Variants in IL16 observed in about 807,000 individuals in gnomAD.
IL16 encodes pro-interleukin-16.
IL16 carries 67 observed loss-of-function variants against 110.1 expected under a neutral mutation model. That is an observed-to-expected ratio of 0.61 (90% confidence interval 0.50 to 0.75). The LOEUF (loss-of-function observed/expected upper bound fraction) is 0.75, where lower values mean the gene tolerates loss of function less well. Ranked by LOEUF, IL16 falls within the 30% of genes least tolerant of loss-of-function variation. The pLI, the probability that IL16 is intolerant of heterozygous loss-of-function variation, is 0.00. For synonymous variants in IL16, 689 were observed against 662.9 expected, an observed-to-expected ratio of 1.04 and a Z score of -0.61; for missense variants, 1,545 against 1,655.0, an observed-to-expected ratio of 0.93 and a Z score of 1.15.
In IL16 at chr15:81,225,345, G is replaced by A. The variant is rs1896751215; in HGVS notation, c.-55G>A. On this transcript the variant is annotated 5_prime_UTR_variant, in exon 2 of 19. Transcript: ENST00000683961. ...AGCCCTGTCCAGTGGCCACCCGTCA[G>A]CCAAGGGCCAGAGACCAGGAAAGGA... is the stretch of plus-strand genomic sequence containing the variant. The A allele has an allele frequency of 2.5e-6, 4 of 1,589,274 alleles. No homozygotes were observed. Among genetic ancestry groups the A allele is most frequent in the Non-Finnish European group, 3.4e-6 (4 of 1,170,722 alleles).
chr15:81,313,454 G>A lies in IL16; in HGVS notation c.*4656G>A, dbSNP rs149174955. 482 of 1,446,710 alleles carry A rather than the reference G, an allele frequency of 3.3e-4. 1 individual carries two copies. The African/African-American group carries it at 6.6e-3, about 20-fold the overall frequency. 89.6% of individuals were successfully genotyped at this position (1,446,710 alleles called of 1,614,324 possible). A position where few individuals can be genotyped will look rare whatever the true frequency, so the allele number is the denominator to read the frequency against. On this transcript the variant is annotated 3_prime_UTR_variant, in exon 19 of 19. Transcript: ENST00000683961. ...TTATGATCTGCAGCAGAGGTGCTGG[G>A]GACGAGCGCCAGGCAGGTGAGCAGA...
chr15:81,301,371 G>A lies in IL16; in HGVS notation c.3177G>A (p.Glu1059=). The A allele has an allele frequency of 6.2e-7, 1 of 1,612,874 alleles. No individual in the cohort carries two copies. Among genetic ancestry groups the A allele is most frequent in the Non-Finnish European group, 8.5e-7 (1 of 1,179,672 alleles). The change falls in exon 15 of 19, where the codon GAG becomes GAA. Residue 1059 remains glutamate (E), a synonymous_variant. Transcript: ENST00000683961. ...LNLSELREYT[E]GLTEAKEDDD... Reference sequence around the variant, plus strand: ...TTTCAGAGCTGAGAGAATATACAGAGGGTCTCACGGAAGCCAAGGAAGACG... The same window carrying A: ...TTTCAGAGCTGAGAGAATATACAGAAGGTCTCACGGAAGCCAAGGAAGACG...
At chr15:81,182,852 G>A in exon 1 of IL16, 1 of 1,289,308 alleles carries the variant, frequency 7.8e-7, no homozygotes, top group Non-Finnish European at 1.0e-6. Context: ...CTCAAACCCT[G>A]TGCAATGAGT....
intron 1 of IL16, among the ~76,000 whole-genome samples, chr15:81,222,628 T>A (rs576608840): frequency 6.6e-6 from 1 of 152,202 alleles, no homozygotes; most frequent in East Asian, 1.9e-4. Context: ...CCCATGTTTA[T>A]ATCTTTCCTG....
chr15:81,290,483 GC>G lies in IL16; in HGVS notation c.1366del (p.Gln456ArgfsTer52). On this transcript the variant is annotated frameshift_variant, in exon 11 of 19. Coordinates refer to ENST00000683961, the MANE Select transcript of IL16 (RefSeq NM_172217.5). LOFTEE classifies it high-confidence loss of function. ...TGAACAGCAACTCAAAGAAGCTGTG[GC>G]CCAGGCTGTGGAAAACACCAAGTTT... ...VSEQQLKEAV[A>X]QAVENTKFGK... 6.2e-7 allele frequency: 1 copy of G among 1,613,502 alleles called. No homozygotes were observed. The highest frequency in any genetic ancestry group is 8.5e-7 in the Non-Finnish European group (1 of 1,179,728).
At chr15:81,254,052 A>G (rs1897861790) in intron 2 of IL16, among the ~76,000 whole-genome samples, 1 of 152,212 alleles carries the variant, frequency 6.6e-6, no homozygotes, top group Admixed American at 6.5e-5. Context: ...CGTATGATCA[A>G]TTCAACCACA....
At chr15:81,269,492 T>C (rs1158958639) in intron 4 of IL16, 46 bp from the exon 5 acceptor site, 1 of 1,291,952 alleles carries the variant, frequency 7.7e-7, no homozygotes, top group African/African-American at 1.5e-5. Context: ...CATGTGCTGC[T>C]GTCCTATGTG....
chr15:81,246,994 G>A (rs1410047511), intron 2 of IL16, among the ~76,000 whole-genome samples: 1 of 147,808 alleles, frequency 6.8e-6, no homozygotes, highest in Non-Finnish European at 1.5e-5. Flanking sequence ...ATATCTTCTT[G>A]TCATCTTTTA....
chr15:81,297,003 T>C lies in IL16; in HGVS notation c.1978T>C (p.Cys660Arg). 6.2e-7 allele frequency: 1 copy of C among 1,613,904 alleles called. No homozygotes were observed. Among genetic ancestry groups the C allele is most frequent in the African/African-American group, 1.3e-5 (1 of 75,026 alleles). Residue 660 changes from cysteine to arginine, a missense_variant, in exon 13 of 19, where the codon TGC becomes CGC. Physicochemically the swap from Cys to Arg is radical, Grantham distance 180. Around this residue, in one of 3 missense-constraint regions of IL16, gnomAD observed 1,185 missense variants for 1,238.8 expected, o/e 0.96. Coordinates refer to ENST00000683961, the MANE Select transcript of IL16 (RefSeq NM_172217.5). ...GAGAAGCCCTAGTGCCTCTGCCGGC[T>C]GCCCAGGACCTGGTATCGGCCCACA... The part of the protein sequence containing the change: ...AGRSPSASAG[C>R]PGPGIGPQTK...
chr15:81,182,891 A>C, exon 1 of IL16: 1 of 1,289,214 alleles, frequency 7.8e-7, no homozygotes, highest in Non-Finnish European at 1.0e-6. Context: ...CCGAGAAGGC[A>C]GAACGGTGAG....
rs1429951902 is a variant in IL16, at chr15:81,197,006, C to A, written c.-248C>A. The A allele has an allele frequency of 7.0e-6, 9 of 1,285,620 alleles. No individual in the cohort carries two copies. The East Asian group carries it at 5.0e-4, about 71-fold the overall frequency. The allele number at this position is 1,285,620 out of a possible 1,614,324, so 79.6% of individuals were successfully genotyped here. On this transcript the variant is annotated 5_prime_UTR_variant, in exon 1 of 19. Coordinates refer to ENST00000683961, the MANE Select transcript of IL16 (RefSeq NM_172217.5). The stretch of plus-strand genomic sequence containing the variant: ...CCGTCTGAGAACTGAGCGTCCATTT[C>A]TCAATCCTTGCCGGCTCTGACCCAG...
chr15:81,273,878 A>G (rs28637218), intron 6 of IL16, among the ~76,000 whole-genome samples: 2,156 of 151,820 alleles, frequency 0.014, 57 homozygotes, highest in African/African-American at 0.05. Flanking sequence ...GTGAGGGGCC[A>G]GGGAAACAGA....
At chr15:81,199,030 A>AAT (rs60097662) in intron 1 of IL16, among the ~76,000 whole-genome samples, 4,575 of 103,818 alleles carry the variant, frequency 0.044, 101 homozygotes, top group Non-Finnish European at 0.051. Context: ...AAAAAAAAAA[A>AAT]ATATATATAT....
intron 5 of IL16, among the ~76,000 whole-genome samples, chr15:81,271,062 G>A (rs551189302): frequency 1.3e-4 from 20 of 152,114 alleles, no homozygotes; most frequent in South Asian, 8.3e-4. Context: ...ACCAAAACCC[G>A]GGCATTGTGC....
At chr15:81,291,205 T>C (rs1225855692) in intron 11 of IL16, among the ~76,000 whole-genome samples, 1 of 152,180 alleles carries the variant, frequency 6.6e-6, no homozygotes, top group Non-Finnish European at 1.5e-5. Flanking sequence ...TGACAAGAAA[T>C]TAAATGATCT....
intron 5 of IL16, among the ~76,000 whole-genome samples, chr15:81,271,284 AAATAAAAT>A (rs1225033574): frequency 2.0e-5 from 3 of 150,194 alleles, no homozygotes; most frequent in African/African-American, 4.9e-5. Context: ...AAATTAAATA[AAATAAAAT>A]AATAAAATAA....
intron 2 of IL16, among the ~76,000 whole-genome samples, chr15:81,252,533 G>A (rs1457137407): frequency 6.6e-6 from 1 of 151,996 alleles, no homozygotes; most frequent in Non-Finnish European, 1.5e-5. Context: ...ATGTTAAATG[G>A]TTTTTAGTAT....
At chr15:81,211,680 A>C (rs1478322167) in intron 1 of IL16, among the ~76,000 whole-genome samples, 1 of 152,164 alleles carries the variant, frequency 6.6e-6, no homozygotes, top group African/African-American at 2.4e-5. Context: ...GAGCCACTGC[A>C]CTTGGCCATG....
chr15:81,231,328 C>CTCTCTCTCTG (rs1896969827), intron 2 of IL16, among the ~76,000 whole-genome samples: 1 of 87,250 alleles, frequency 1.1e-5, no homozygotes, highest in Non-Finnish European at 2.2e-5. Flanking sequence ...CGGTCTGTCT[C>CTCTCTCTCTG]TCTCTCTCTC....
Sources: allele counts gnomAD v4.1 joint callset (sites outside exome capture counted in the v4.1 genomes callset), GRCh38; gene constraint gnomAD v4.1.1; regional missense constraint gnomAD v4.1.1; transcripts MANE v1.5; gene names NCBI Gene and HGNC (gene_info 2026-07-23, HGNC 2026-07-21).